The following PTPN3 variants were observed in gnomAD, a reference collection of about 807,000 sequenced individuals.
The protein encoded by PTPN3 is protein tyrosine phosphatase non-receptor type 3.
In PTPN3, 96 loss-of-function variants were observed where a neutral mutation model predicts 132.7. That is an observed-to-expected ratio of 0.72 (90% CI 0.61 to 0.86). PTPN3 has a LOEUF of 0.86. Ranked by LOEUF, PTPN3 falls within the 40% of genes least tolerant of loss-of-function variation. PTPN3 has a pLI of 0.00. For missense variants in PTPN3, 1,125 were observed against 1,159.6 expected (o/e 0.97, Z 0.43); for synonymous variants, 398 against 429.0 (o/e 0.93, Z 0.89).
At chr9:109,478,298 G>A (rs1382269939) in intron 1 of PTPN3, among the ~76,000 whole-genome samples, 1 of 151,200 alleles carries the variant, frequency 6.6e-6, no homozygotes, top group Admixed American at 6.6e-5. Context: ...TAATGTCTAT[G>A]CAATCATATA....
intron 6 of PTPN3, 88 bp from the exon 7 acceptor site, chr9:109,445,380 TCTTTG>T (rs752210283): frequency 2.2e-5 from 27 of 1,201,314 alleles, no homozygotes; most frequent in Non-Finnish European, 3.1e-5. Flanking sequence ...CACATGTCTT[TCTTTG>T]CTTTGATCAA....
chr9:109,420,335 G>A (rs530210546), intron 14 of PTPN3, 89 bp downstream of exon 14: 1 of 1,373,080 alleles, frequency 7.3e-7, no homozygotes, highest in South Asian at 1.6e-5. Context: ...CCAGCTCTTG[G>A]TTCCTCTCAA....
rs1325335791 is a variant in PTPN3 at position 109,463,347 on chromosome 9, T to C, written c.88A>G (p.Ile30Val). The C allele has an allele frequency of 6.2e-7, 1 of 1,613,878 alleles. No individual in the cohort carries two copies. Among genetic ancestry groups the C allele is most frequent in the African/African-American group, 1.3e-5 (1 of 75,016 alleles). ...CCATCTAAAAAGTGGATGCTGCAAA[T>C]GACTTCTGATCGAGTTTTCTCTTTG... ...LPKEKTRSEVICSIHFLDGVV... is the reference protein window; with the variant it reads ...LPKEKTRSEVVCSIHFLDGVV... The change falls in exon 2 of 26, where the codon ATT (isoleucine) becomes GTT (valine). Residue 30 changes from isoleucine (I) to valine (V), a missense_variant. Ile to Val is a conservative substitution (Grantham distance 29). Transcript: ENST00000374541.
At chr9:109,468,525 C>G (rs974414811) in intron 1 of PTPN3, among the ~76,000 whole-genome samples, 1 of 152,140 alleles carries the variant, frequency 6.6e-6, no homozygotes, top group East Asian at 1.9e-4. Context: ...CGCCACCACG[C>G]CCGGCTAATT....
intron 1 of PTPN3, among the ~76,000 whole-genome samples, chr9:109,480,235 A>T (rs747626535): frequency 6.6e-6 from 1 of 152,156 alleles, no homozygotes; most frequent in African/African-American, 2.4e-5. Flanking sequence ...GGGCAGTAGC[A>T]CCATCTTGGC....
intron 22 of PTPN3, among the ~76,000 whole-genome samples, chr9:109,385,198 T>C (rs538447589): frequency 6.6e-6 from 1 of 152,310 alleles, no homozygotes; most frequent in Non-Finnish European, 1.5e-5. Context: ...AAATACAGAT[T>C]GCAGTTCAAT....
chr9:109,503,543 T>TA, the PTPN3 span, among the ~76,000 whole-genome samples: 8 of 151,618 alleles, frequency 5.3e-5, no homozygotes, highest in African/African-American at 7.3e-5. Context: ...TGTCTCTACT[T>TA]AAAAAAAATA....
chr9:109,510,579 ATAT>A, the PTPN3 span, among the ~76,000 whole-genome samples: 5 of 42,830 alleles, frequency 1.2e-4, no homozygotes, highest in African/African-American at 3.9e-4. Flanking sequence ...AAAAAAAAAT[ATAT>A]ATATATATAT....
chr9:109,534,442 C>T, the PTPN3 span: 1 of 1,275,274 alleles, frequency 7.8e-7, no homozygotes, highest in East Asian at 2.8e-5. Flanking sequence ...TCTCTGGGGT[C>T]CGCTCTCCGC....
At chr9:109,431,198 C>G (rs543571266) in intron 10 of PTPN3, among the ~76,000 whole-genome samples, 47 of 152,328 alleles carry the variant, frequency 3.1e-4, no homozygotes, top group African/African-American at 9.6e-4. Flanking sequence ...AGAGTCCCTG[C>G]AGGCTCTGCC....
rs1047189642 is a variant in PTPN3 at position 109,383,362 on chromosome 9, A to G, written c.2382+61T>C. 3 of 1,613,068 alleles carry G rather than the reference A, an allele frequency of 1.9e-6. No individual in the cohort carries two copies. The African/African-American group carries it at 4.0e-5, about 22-fold the overall frequency. On this transcript the variant is annotated intron_variant, in intron 23 of 25. Coordinates refer to ENST00000374541, the MANE Select transcript of PTPN3 (RefSeq NM_002829.4). Reference sequence around the variant, plus strand: ...ACACCTAGAAGCGTGACCACCTGGGATGACAGTGGCCGCTGATTCAGCACC... The same window carrying G: ...ACACCTAGAAGCGTGACCACCTGGGGTGACAGTGGCCGCTGATTCAGCACC...
At chr9:109,519,479 G>A in the PTPN3 span, among the ~76,000 whole-genome samples, 4 of 152,190 alleles carry the variant, frequency 2.6e-5, no homozygotes, top group East Asian at 7.7e-4. Context: ...ATCATAGGTC[G>A]AGGAGCATCA....
chr9:109,405,485 A>G (rs2131726295), intron 18 of PTPN3, among the ~76,000 whole-genome samples: 1 of 152,352 alleles, frequency 6.6e-6, no homozygotes, highest in African/African-American at 2.4e-5. Flanking sequence ...GTATTATTTT[A>G]TAACAACAAC....
chr9:109,437,646 A>C (rs1469025142), intron 8 of PTPN3, among the ~76,000 whole-genome samples: 1 of 152,242 alleles, frequency 6.6e-6, no homozygotes, highest in Non-Finnish European at 1.5e-5. Context: ...GGGCAACTGC[A>C]GAAGACTCAT....
intron 14 of PTPN3, among the ~76,000 whole-genome samples, chr9:109,420,169 T>G (rs1195308595): frequency 1.3e-5 from 2 of 152,174 alleles, no homozygotes; most frequent in Non-Finnish European, 2.9e-5. Context: ...TTCAAGAGAC[T>G]AACAAGTACT....
chr9:109,475,373 G>GA (rs1027079932), intron 1 of PTPN3, among the ~76,000 whole-genome samples: 2 of 152,102 alleles, frequency 1.3e-5, no homozygotes, highest in African/African-American at 2.4e-5. Context: ...CTCATTCTTG[G>GA]AAAAAACTGA....
At chr9:109,392,318 AC>A (rs1411129002) in intron 19 of PTPN3, among the ~76,000 whole-genome samples, 3 of 151,108 alleles carry the variant, frequency 2.0e-5, no homozygotes, top group Non-Finnish European at 4.4e-5. Flanking sequence ...ATCCTTTCTC[AC>A]CAGTGGTTTT....
chr9:109,531,629 G>T, the PTPN3 span, among the ~76,000 whole-genome samples: 1 of 152,178 alleles, frequency 6.6e-6, no homozygotes, highest in East Asian at 1.9e-4. Flanking sequence ...TTTTGAGAAT[G>T]AGATAATGTA....
At chr9:109,457,092 G>C (rs1459930647) in intron 4 of PTPN3, 81 bp downstream of exon 4, 22 of 1,433,152 alleles carry the variant, frequency 1.5e-5, no homozygotes, top group Non-Finnish European at 2.0e-5. Context: ...AGATGTCACA[G>C]GCACTGACGA....
Sources: allele counts gnomAD v4.1 joint callset (sites outside exome capture counted in the v4.1 genomes callset), GRCh38; gene constraint gnomAD v4.1.1; transcripts MANE v1.5; gene names NCBI Gene and HGNC (gene_info 2026-07-23, HGNC 2026-07-21).